The following MLLT10 variants were observed in gnomAD, a reference collection of about 807,000 sequenced individuals.
The protein encoded by MLLT10 is MLLT10 histone lysine methyltransferase DOT1L cofactor.
Under a neutral mutation model 129.1 loss-of-function variants are expected in MLLT10, and 30 were observed. The observed-to-expected ratio is 0.23, with a 90% CI of 0.17 to 0.32. The LOEUF is 0.32. Among genes scored for constraint, MLLT10 ranks in the 10% least tolerant of loss-of-function variants. The pLI is 1.00. For synonymous variants in MLLT10, 490 were observed against 446.4 expected, an observed-to-expected ratio of 1.10 and a Z score of -1.23; for missense variants, 1,119 against 1,268.3, an observed-to-expected ratio of 0.88 and a Z score of 1.79.
intron 2 of MLLT10, among the ~76,000 whole-genome samples, chr10:21,535,420 G>C (rs1051111932): frequency 6.6e-6 from 1 of 152,160 alleles, no homozygotes; most frequent in African/African-American, 2.4e-5. Context: ...AGGAGATGGC[G>C]GAGTCCGTTG....
At chr10:21,689,561 A>ATATATGTGTATATATATATATATATATG (rs1554850022) in intron 13 of MLLT10, among the ~76,000 whole-genome samples, 1 of 90,142 alleles carries the variant, frequency 1.1e-5, no homozygotes, top group African/African-American at 4.5e-5. Flanking sequence ...ATATATATAT[A>ATATATGTGTATATATATATATATATATG]TATGTATATA....
chr10:21,562,844 A>G (rs1588954787), intron 3 of MLLT10, among the ~76,000 whole-genome samples: 1 of 68,754 alleles, frequency 1.5e-5, no homozygotes, highest in Non-Finnish European at 2.7e-5. Context: ...TTTTTGAGAC[A>G]GTTTCACTCT....
intron 3 of MLLT10, among the ~76,000 whole-genome samples, chr10:21,569,453 C>T (rs1439163790): frequency 2.7e-5 from 4 of 150,500 alleles, no homozygotes; most frequent in African/African-American, 7.3e-5. Flanking sequence ...AATGGAATCT[C>T]GCTCTCGCCC....
chr10:21,544,760 A>G (rs1588827314), intron 3 of MLLT10, among the ~76,000 whole-genome samples: 1 of 152,196 alleles, frequency 6.6e-6, no homozygotes, highest in South Asian at 2.1e-4. Context: ...TACCATTAAT[A>G]AATATTAGAG....
chr10:21,535,150 C>T lies in MLLT10; in HGVS notation c.160+346C>T, dbSNP rs1173426212. Among the ~76,000 whole-genome samples, 8 of 144,222 alleles carry T rather than the reference C, an allele frequency of 5.5e-5. No homozygotes were observed. In the East Asian group the frequency reaches 1.7e-3, roughly 31 times the overall value. The allele number at this position is 144,222 out of a possible 152,430, so 94.6% of individuals were successfully genotyped here. ...GGCGGGGGCGGGGGCGGGGGCGGTG[C>T]GCGCCCTTCCCGGGGTTCCCGGGGC... is the stretch of plus-strand genomic sequence containing the variant. On this transcript the variant is annotated intron_variant, in intron 2 of 22. Coordinates refer to ENST00000307729, the MANE Select transcript of MLLT10 (RefSeq NM_001195626.3).
At chr10:21,569,737 A>T (rs2039998092) in intron 3 of MLLT10, among the ~76,000 whole-genome samples, 1 of 149,906 alleles carries the variant, frequency 6.7e-6, no homozygotes, top group Non-Finnish European at 1.5e-5. Context: ...GTTAATTTTT[A>T]AAAAATCTTT....
At chr10:21,616,109 G>A (rs1026821294) in intron 7 of MLLT10, among the ~76,000 whole-genome samples, 5 of 152,064 alleles carry the variant, frequency 3.3e-5, no homozygotes, top group African/African-American at 1.2e-4. Context: ...ACTTAAGAGT[G>A]TGTATCTGTG....
chr10:21,539,719 A>G (rs900978824), intron 3 of MLLT10, among the ~76,000 whole-genome samples: 4 of 152,128 alleles, frequency 2.6e-5, no homozygotes, highest in African/African-American at 9.7e-5. Flanking sequence ...CAGTGAGCTG[A>G]GATGGTGCCA....
intron 9 of MLLT10, among the ~76,000 whole-genome samples, chr10:21,668,324 C>T (rs2183270): frequency 0.044 from 6,699 of 152,084 alleles, 498 homozygotes; most frequent in African/African-American, 0.15. Flanking sequence ...TACCTGTCTT[C>T]GATTTTGAGT....
At chr10:21,586,399 G>T in intron 4 of MLLT10, 51 bp downstream of exon 4, 1 of 1,268,990 alleles carries the variant, frequency 7.9e-7, no homozygotes, top group Non-Finnish European at 1.1e-6. Context: ...TGGGACAGTG[G>T]AGTATTTTCA....
intron 9 of MLLT10, among the ~76,000 whole-genome samples, chr10:21,653,866 G>T (rs1051876571): frequency 6.6e-6 from 1 of 152,214 alleles, no homozygotes; most frequent in African/African-American, 2.4e-5. Context: ...GTTATTTAAA[G>T]CCACAAGACT....
intron 9 of MLLT10, among the ~76,000 whole-genome samples, chr10:21,660,871 CAAAAAAAAAAA>C (rs770411226): frequency 9.8e-5 from 8 of 81,414 alleles, no homozygotes; most frequent in African/African-American, 4.4e-4. Flanking sequence ...AACTCTGTCT[CAAAAAAAAAAA>C]AAAAAAAAAA....
chr10:21,681,057 T>C (rs1252775929), intron 11 of MLLT10, among the ~76,000 whole-genome samples: 1 of 152,208 alleles, frequency 6.6e-6, no homozygotes, highest in Non-Finnish European at 1.5e-5. Context: ...GTTATACAGA[T>C]TCATTTGTAA....
chr10:21,677,768 T>C (rs1418884004), intron 11 of MLLT10, among the ~76,000 whole-genome samples: 1 of 152,208 alleles, frequency 6.6e-6, no homozygotes, highest in African/African-American at 2.4e-5. Context: ...GATGCTGTTT[T>C]TAAAAGATTG....
At chr10:21,671,447 G>T (rs2051394216) in intron 10 of MLLT10, among the ~76,000 whole-genome samples, 1 of 152,174 alleles carries the variant, frequency 6.6e-6, no homozygotes, top group Non-Finnish European at 1.5e-5. Flanking sequence ...CTTGAGGCCA[G>T]CTTGGGCAAT....
intron 14 of MLLT10, among the ~76,000 whole-genome samples, chr10:21,719,975 C>T (rs2057012782): frequency 6.6e-6 from 1 of 152,110 alleles, no homozygotes; most frequent in South Asian, 2.1e-4. Context: ...TAAGGTCTTT[C>T]CCAGTTCCAA....
chr10:21,651,612 C>G (rs1335905656), intron 8 of MLLT10, 61 bp from the exon 9 acceptor site: 3 of 1,113,130 alleles, frequency 2.7e-6, no homozygotes, highest in East Asian at 2.4e-5. Context: ...AAAAAAATCT[C>G]TGTTGCATAT....
At chr10:21,653,942 C>T (rs1012954662) in intron 9 of MLLT10, among the ~76,000 whole-genome samples, 9 of 152,166 alleles carry the variant, frequency 5.9e-5, no homozygotes, top group African/African-American at 1.7e-4. Flanking sequence ...CTCAGGACCT[C>T]CTGTGTCGAA....
At chr10:21,619,338 TC>T (rs2045581154) in intron 8 of MLLT10, among the ~76,000 whole-genome samples, 1 of 152,200 alleles carries the variant, frequency 6.6e-6, no homozygotes, top group Non-Finnish European at 1.5e-5. Context: ...GGTCTTCTGT[TC>T]TGCCATTTCA....
Sources: allele counts gnomAD v4.1 joint callset (sites outside exome capture counted in the v4.1 genomes callset), GRCh38; gene constraint gnomAD v4.1.1; transcripts MANE v1.5; gene names NCBI Gene and HGNC (gene_info 2026-07-23, HGNC 2026-07-21).